The following FASN variants were observed in gnomAD, a reference collection of about 807,000 sequenced individuals.
The protein encoded by FASN is 3-hydroxyacyl-[acyl-carrier-protein] dehydratase.
Under a neutral mutation model 250.0 loss-of-function variants are expected in FASN, and 50 were observed. The ratio of observed to expected loss-of-function variants is 0.20; its 90% confidence interval spans 0.16 to 0.25. The LOEUF is 0.25. FASN is among the 10% of genes least tolerant of loss of function. The pLI is 1.00. For synonymous variants in FASN, 1,909 were observed against 1,584.0 expected (o/e 1.21, Z -4.87); for missense variants, 3,031 against 3,498.5 (o/e 0.87, Z 3.37).
At chr17:82,080,344 G>A in intron 40 of FASN, 26 bp downstream of exon 40, 2 of 1,606,516 alleles carry the variant, frequency 1.2e-6, no homozygotes, top group Non-Finnish European at 1.7e-6. Flanking sequence ...TTTGCCGTAG[G>A]CCTCTAGGAC....
chr17:82,081,070 G>T, intron 38 of FASN, 94 bp downstream of exon 38: 1 of 1,469,516 alleles, frequency 6.8e-7, no homozygotes. Flanking sequence ...CCGTGACGAA[G>T]GGCGGTATGC....
At chr17:82,086,052 G>A (rs879286096) in intron 22 of FASN, among the ~76,000 whole-genome samples, 181 bp from the exon 23 acceptor site, 13 of 152,206 alleles carry the variant, frequency 8.5e-5, no homozygotes, top group Non-Finnish European at 1.9e-4. Flanking sequence ...TGCCTAGGCT[G>A]CACCTCTTGG....
Position 82,096,323 on chromosome 17 carries a change from C to T in FASN, c.123G>A (p.Lys41=), listed in dbSNP as rs1389327842. 1.9e-6 allele frequency: 3 copies of T among 1,612,612 alleles called. No homozygotes were observed. Among genetic ancestry groups the T allele is most frequent in the East Asian group, 2.2e-5 (1 of 44,874 alleles). The change falls in exon 2 of 43, where the codon AAG becomes AAA. Residue 41 remains lysine (K), a synonymous_variant. Coordinates refer to ENST00000306749, the MANE Select transcript of FASN (RefSeq NM_004104.5). ...GGGAGCCCCGCAGCCACATACCCGC[C>T]TTCCAGCGACGGTCATCGTCCGTGA... ...DMVTDDDRRW[K]AGLYGLPRRS...
At position 82,092,916 on chromosome 17, in the gene FASN, T is replaced by C. The variant is rs992539709; in HGVS notation, c.759A>G (p.Thr253=). Residue 253 remains threonine (T), a synonymous_variant, in exon 6 of 43, where the codon ACA becomes ACG. Transcript: ENST00000306749. Reference sequence around the variant, plus strand: ...GCCCACCTTGCTCCTTGAAGCCATCTGTATTGGTGCCGGCGTTCAGGATGG... The same window carrying C: ...GCCCACCTTGCTCCTTGAAGCCATCCGTATTGGTGCCGGCGTTCAGGATGG... ...YATILNAGTN[T]DGFKEQGVTF... 2.5e-6 allele frequency: 4 copies of C among 1,605,174 alleles called. No homozygotes were observed. In the African/African-American group the frequency reaches 5.3e-5, roughly 21 times the overall value.
At chr17:82,089,503 G>A (rs1598580560) in intron 12 of FASN, 119 bp from the exon 13 acceptor site, 1 of 1,575,222 alleles carries the variant, frequency 6.3e-7, no homozygotes, top group Non-Finnish European at 8.7e-7. Context: ...AGGGACCTGA[G>A]GACAAACCTG....
chr17:82,085,784 C>T lies in FASN; in HGVS notation c.3820G>A (p.Asp1274Asn), dbSNP rs2034087841. The change falls in exon 23 of 43, where the codon GAC (aspartate) becomes AAC (asparagine). Residue 1274 changes from aspartate to asparagine, a missense_variant. Asp to Asn is a conservative substitution (Grantham distance 23). Coordinates refer to ENST00000306749, the MANE Select transcript of FASN (RefSeq NM_004104.5). The stretch of plus-strand genomic sequence containing the variant: ...GCCTCCAGGGCCTGGGGGTGGCGGT[C>T]GGTGGCCGTGTAGCTCAGCTGCAGC... ...PLLQLSYTAT[D>N]RHPQALEAAQ... The T allele has an allele frequency of 2.6e-6, 4 of 1,562,658 alleles. No homozygotes were observed. Among genetic ancestry groups the T allele is most frequent in the Non-Finnish European group, 2.6e-6 (3 of 1,154,646 alleles).
chr17:82,082,388 G>A lies in FASN; in HGVS notation c.5946C>T (p.Asn1982=), dbSNP rs760406301. The change falls in exon 35 of 43, where the codon AAC becomes AAT. Residue 1982 remains asparagine, a synonymous_variant. Transcript: ENST00000306749. ...AVVLRDGLLE[N]QTPEFFQDVC... is the part of the protein sequence containing the mutation. ...CGTCCTGGAAGAACTCTGGGGTCTG[G>A]TTCTCCAGCAAGCCATCTCTCAAGA... The A allele has an allele frequency of 1.1e-5, 18 of 1,612,868 alleles. No homozygotes were observed. Among genetic ancestry groups the A allele is most frequent in the Non-Finnish European group, 1.5e-5 (18 of 1,179,990 alleles).
chr17:82,092,688 G>A lies in FASN; in HGVS notation c.894+9C>T, dbSNP rs773650863. The A allele has an allele frequency of 9.7e-7, 1 of 1,033,778 alleles. No individual in the cohort carries two copies. The allele number at this position is 1,033,778 out of a possible 1,614,324, so 64.0% of individuals were successfully genotyped here. ...GGGTGGTGAGTGGGGCGGGGGGGGGGGGCATCACCTTGGTGCCTGTGCCGT... is the reference window on the plus strand; with the variant it reads ...GGGTGGTGAGTGGGGCGGGGGGGGGAGGCATCACCTTGGTGCCTGTGCCGT... On this transcript the variant is annotated intron_variant, in intron 7 of 42. Coordinates refer to ENST00000306749, the MANE Select transcript of FASN (RefSeq NM_004104.5).
Position 82,085,083 on chromosome 17 carries a change from A to G in FASN, c.4361T>C (p.Val1454Ala). The G allele has an allele frequency of 6.2e-7, 1 of 1,612,470 alleles. No homozygotes were observed. The highest frequency in any genetic ancestry group is 8.5e-7 in the Non-Finnish European group (1 of 1,179,842). The change falls in exon 25 of 43, where the codon GTG (valine) becomes GCG (alanine). Residue 1454 changes from valine to alanine, a missense_variant. Physicochemically the swap from Val to Ala is moderately conservative, Grantham distance 64. Transcript: ENST00000306749. ...KAINCATSGV[V>A]GLVNCLRREP... ...TCGGCGGAGACAGTTCACCAAGCCC[A>G]CCACGCCCGAGGTGGCACAGTTGAT...
intron 2 of FASN, 38 bp from the exon 3 acceptor site, chr17:82,095,510 C>T: frequency 6.2e-7 from 1 of 1,608,256 alleles, no homozygotes. Context: ...CTGACGGAAG[C>T]TGCCCAGAGG....
Position 82,087,110 on chromosome 17 carries a change from T to C in FASN, c.3367A>G (p.Thr1123Ala). 6.2e-7 allele frequency: 1 copy of C among 1,612,014 alleles called. No homozygotes were observed. Among genetic ancestry groups the C allele is most frequent in the African/African-American group, 1.3e-5 (1 of 75,002 alleles). ...ILEKFCFTPH[T>A]EEGCLSERAA... is the part of the protein sequence containing the mutation. ...CGCTCAGACAGGCACCCCTCCTCCG[T>C]GTGGGGAGTGAAGCAAAACTTCTCC... The change falls in exon 21 of 43, where the codon ACG (threonine) becomes GCG (alanine). Residue 1123 changes from threonine (T) to alanine (A), a missense_variant. Coordinates refer to ENST00000306749, the MANE Select transcript of FASN (RefSeq NM_004104.5).
At position 82,083,524 on chromosome 17, in the gene FASN, G is replaced by A. The variant is rs1424379524; in HGVS notation, c.5334C>T (p.His1778=). Residue 1778 remains histidine, a synonymous_variant, in exon 31 of 43, where the codon CAC becomes CAT. Coordinates refer to ENST00000306749, the MANE Select transcript of FASN (RefSeq NM_004104.5). ...AGGCGCTGCCGGCCTCACCGAGCGGGTGGTTCTGAGAAAGGTCGAATTTGC... is the reference window on the plus strand; with the variant it reads ...AGGCGCTGCCGGCCTCACCGAGCGGATGGTTCTGAGAAAGGTCGAATTTGC... ...EIGKFDLSQN[H]PLGMAIFLKN... is the part of the protein sequence containing the mutation. 4.3e-6 allele frequency: 7 copies of A among 1,612,744 alleles called. No homozygotes were observed. Among genetic ancestry groups the A allele is most frequent in the East Asian group, 2.2e-5 (1 of 44,902 alleles).
chr17:82,093,344 C>T lies in FASN; in HGVS notation c.530G>A (p.Ser177Asn), dbSNP rs974806991. 1 of 1,603,352 alleles carries T rather than the reference C, an allele frequency of 6.2e-7. No homozygotes were observed. The highest frequency in any genetic ancestry group is 8.5e-7 in the Non-Finnish European group (1 of 1,176,508). ...CACGATGGCGGCAGGGCACTGCCCG[C>T]TGTGGATGGCCTGGTAGGCGTTCTG... is the stretch of plus-strand genomic sequence containing the variant. Reference protein sequence around the residue: ...ALQNAYQAIHSGQCPAAIVGG... With the variant: ...ALQNAYQAIHNGQCPAAIVGG... Residue 177 changes from serine to asparagine, a missense_variant, in exon 5 of 43, where the codon AGC becomes AAC. Ser to Asn is a conservative substitution (Grantham distance 46). Coordinates refer to ENST00000306749, the MANE Select transcript of FASN (RefSeq NM_004104.5).
Position 82,080,675 on chromosome 17 carries a change from G to A in FASN, c.6826+17C>T, listed in dbSNP as rs369714074. ...GCCAGCACTGACCACCGCTTCCAGA[G>A]GAGGGCCCGGGAGTACCTCGGGTGC... On this transcript the variant is annotated intron_variant, in intron 39 of 42. Coordinates refer to ENST00000306749, the MANE Select transcript of FASN (RefSeq NM_004104.5). 65 of 1,568,216 alleles carry A rather than the reference G, an allele frequency of 4.1e-5. No homozygotes were observed. Among genetic ancestry groups the A allele is most frequent in the Middle Eastern group, 3.4e-4 (2 of 5,952 alleles).
intron 8 of FASN, 77 bp downstream of exon 8, chr17:82,092,378 C>T (rs2034226659): frequency 6.9e-7 from 1 of 1,459,182 alleles, no homozygotes; most frequent in Non-Finnish European, 9.3e-7. Flanking sequence ...AAAGAGAAAG[C>T]AGCAGTGCCC....
Position 82,094,721 on chromosome 17 carries a change from A to G in FASN, c.280+599T>C, listed in dbSNP as rs191916591. ...GGAGAATGGTGTGAACCCAGGAGGCAGAGCTTGCAGTGAGCTGAGATCGCG... is the reference window on the plus strand; with the variant it reads ...GGAGAATGGTGTGAACCCAGGAGGCGGAGCTTGCAGTGAGCTGAGATCGCG... On this transcript the variant is annotated intron_variant, in intron 3 of 42. Coordinates refer to ENST00000306749, the MANE Select transcript of FASN (RefSeq NM_004104.5). Among the ~76,000 whole-genome samples, 79 of 151,984 alleles carry G rather than the reference A, an allele frequency of 5.2e-4. 1 individual carries two copies. The highest frequency in any genetic ancestry group is 2.7e-3 in the Admixed American group (41 of 15,258).
At position 82,082,146 on chromosome 17, in the gene FASN, G is replaced by A. The variant is rs1452316393; in HGVS notation, c.6026C>T (p.Ala2009Val). The A allele has an allele frequency of 1.2e-6, 2 of 1,603,954 alleles. No homozygotes were observed. Among genetic ancestry groups the A allele is most frequent in the Non-Finnish European group, 8.5e-7 (1 of 1,179,932 alleles). ...CACAAAGTAGTCCAGCTCAGGGCAC[G>A]CCTCTCGGGTCACCCTGTGGGCACG... ...TLNLDRVTRE[A>V]CPELDYFVVF... Residue 2009 changes from alanine to valine, a missense_variant, in exon 36 of 43, where the codon GCG (alanine) becomes GTG (valine). Ala to Val is a moderately conservative substitution (Grantham distance 64). Transcript: ENST00000306749.
At chr17:82,080,091 C>G (rs1346766669) in intron 41 of FASN, 49 bp downstream of exon 41, 6 of 1,575,012 alleles carry the variant, frequency 3.8e-6, no homozygotes, top group African/African-American at 1.3e-5. Context: ...CCCTTCCGTT[C>G]CTGCCCAGTA....
Position 82,078,854 on chromosome 17 carries a change from C to A in FASN, c.*289G>T, listed in dbSNP as rs369282795. On this transcript the variant is annotated 3_prime_UTR_variant, in exon 43 of 43. Coordinates refer to ENST00000306749, the MANE Select transcript of FASN (RefSeq NM_004104.5). This position sits in a 1 kb window ranked among gnomAD's most constrained non-coding sequence, Gnocchi z 5.4. ...CAAGCACAGAAAGACCAAGCGCAGA[C>A]CCCACGGGCGCACGAGGCCCAGCCC... 7.3e-5 allele frequency: 40 copies of A among 549,920 alleles called. 2 individuals carry two copies. The highest frequency in any genetic ancestry group is 2.8e-4 in the African/African-American group (15 of 52,790). The allele number at this position is 549,920 out of a possible 1,614,324, so 34.1% of individuals were successfully genotyped here. A position where few individuals can be genotyped will look rare whatever the true frequency, so the allele number is the denominator to read the frequency against.
Sources: allele counts gnomAD v4.1 joint callset (sites outside exome capture counted in the v4.1 genomes callset), GRCh38; gene constraint gnomAD v4.1.1; non-coding constraint Gnocchi (gnomAD v3.1); transcripts MANE v1.5; gene names NCBI Gene and HGNC (gene_info 2026-07-23, HGNC 2026-07-21).